Variants in CTNNA2 observed in about 807,000 individuals in gnomAD.
CTNNA2 encodes the protein catenin alpha 2, also known as catenin alpha-2.
A neutral mutation model predicts 101.0 loss-of-function variants in CTNNA2; 42 were observed. The ratio of observed to expected loss-of-function variants is 0.42; its 90% CI spans 0.32 to 0.54. The LOEUF is 0.54. Ranked by LOEUF, CTNNA2 falls within the 20% of genes least tolerant of loss-of-function variation. The pLI is 0.14. For synonymous variants in CTNNA2, 450 were observed against 456.4 expected, an observed-to-expected ratio of 0.99 and a Z score of 0.18; for missense variants, 871 against 1,223.1, an observed-to-expected ratio of 0.71 and a Z score of 4.29.
chr2:79,786,534 C>T (rs529995343), intron 3 of CTNNA2, among the ~76,000 whole-genome samples: 2 of 151,174 alleles, frequency 1.3e-5, no homozygotes, highest in Non-Finnish European at 1.5e-5. Flanking sequence ...GGCATTCTTT[C>T]CAGAAGAGTG....
intron 7 of CTNNA2, among the ~76,000 whole-genome samples, chr2:80,339,221 G>T (rs1202252570): frequency 6.6e-6 from 1 of 152,002 alleles, no homozygotes; most frequent in Non-Finnish European, 1.5e-5. Context: ...CCCATCCATT[G>T]AGTTTCAATA....
intron 3 of CTNNA2, among the ~76,000 whole-genome samples, chr2:79,748,847 C>T (rs1031345707): frequency 6.6e-6 from 1 of 151,754 alleles, no homozygotes; most frequent in Non-Finnish European, 1.5e-5. Flanking sequence ...AGAAGATTTC[C>T]CTATATCTGT....
At chr2:80,286,799 T>C (rs1674804645) in intron 7 of CTNNA2, among the ~76,000 whole-genome samples, 1 of 152,220 alleles carries the variant, frequency 6.6e-6, no homozygotes, top group Non-Finnish European at 1.5e-5. Context: ...TGTTATAGTA[T>C]TCATCCTATT....
intron 4 of CTNNA2, among the ~76,000 whole-genome samples, chr2:79,385,879 C>T (rs1678094664): frequency 6.6e-6 from 1 of 152,138 alleles, no homozygotes; most frequent in Non-Finnish European, 1.5e-5. Flanking sequence ...TTTTTTATGG[C>T]TACATAGTAT....
At chr2:79,481,535 G>T (rs189145793) in intron 4 of CTNNA2, among the ~76,000 whole-genome samples, 51 of 152,232 alleles carry the variant, frequency 3.4e-4, no homozygotes, top group Non-Finnish European at 5.7e-4. Flanking sequence ...ATTCTGTTAA[G>T]AGAGCGGATC....
At chr2:80,636,463 G>T (rs767594951) in intron 18 of CTNNA2, among the ~76,000 whole-genome samples, 5 of 152,090 alleles carry the variant, frequency 3.3e-5, no homozygotes, top group Admixed American at 6.6e-5. Context: ...TTCAGTGTTT[G>T]GTAGGCACTT....
rs35116136 is a variant in CTNNA2 at position 79,591,908 on chromosome 2, ATTTT to A, written c.-5-59629_-5-59626del. On this transcript the variant is annotated intron_variant, in intron 1 of 18. Transcript: ENST00000402739. ...ATCGGTTGTTTCTTTTGAAAAAAAAATTTTTTTTTTTTTTTTTTGAAATTGACTG... is the reference window on the plus strand; with the variant it reads ...ATCGGTTGTTTCTTTTGAAAAAAAAATTTTTTTTTTTTTTGAAATTGACTG... Among the ~76,000 whole-genome samples, 1,066 of 132,032 alleles carry A rather than the reference ATTTT, an allele frequency of 8.1e-3. 47 individuals carry two copies. In the East Asian group the frequency reaches 0.11, roughly 14 times the overall value. The allele number at this position is 132,032 out of a possible 152,430, so 86.6% of individuals were successfully genotyped here. A position where few individuals can be genotyped will look rare whatever the true frequency, so the allele number is the denominator to read the frequency against.
intron 9 of CTNNA2, among the ~76,000 whole-genome samples, chr2:80,434,485 C>CTTT (rs1169944635): frequency 0.015 from 1,312 of 89,954 alleles, 6 homozygotes; most frequent in African/African-American, 0.035. Flanking sequence ...TTCTGTGTCT[C>CTTT]TTTTTTTTTT....
chr2:80,541,146 A>T (rs898271958), intron 9 of CTNNA2, among the ~76,000 whole-genome samples: 1 of 152,162 alleles, frequency 6.6e-6, no homozygotes, highest in Non-Finnish European at 1.5e-5. Context: ...AAAAGAAAAA[A>T]GGGAAGGTAG....
At chr2:79,413,842 C>G (rs1678445015) in intron 4 of CTNNA2, among the ~76,000 whole-genome samples, 1 of 150,868 alleles carries the variant, frequency 6.6e-6, no homozygotes, top group Non-Finnish European at 1.5e-5. Flanking sequence ...TTTCACAAAA[C>G]TATTGGCCAT....
intron 7 of CTNNA2, among the ~76,000 whole-genome samples, chr2:80,282,264 T>G (rs1318117228): frequency 6.8e-6 from 1 of 147,380 alleles, no homozygotes; most frequent in Admixed American, 6.7e-5. Flanking sequence ...TAAATGTTAT[T>G]TATTTGCTGT....
intron 7 of CTNNA2, among the ~76,000 whole-genome samples, chr2:80,375,248 G>A (rs975590898): frequency 2.0e-5 from 3 of 152,160 alleles, no homozygotes; most frequent in African/African-American, 4.8e-5. Flanking sequence ...CTCGGGAAAG[G>A]CACAGGAGGT....
At chr2:79,614,309 A>G (rs1048716957) in intron 1 of CTNNA2, among the ~76,000 whole-genome samples, 1 of 152,130 alleles carries the variant, frequency 6.6e-6, no homozygotes. Flanking sequence ...GTGTTTGTGA[A>G]TTCTCCTGAC....
At chr2:79,576,801 G>A (rs1020122628) in intron 1 of CTNNA2, among the ~76,000 whole-genome samples, 3 of 152,126 alleles carry the variant, frequency 2.0e-5, no homozygotes, top group Admixed American at 6.5e-5. Flanking sequence ...ATAAATTATC[G>A]TTTTTCATCC....
chr2:79,941,277 T>G (rs2104456963), intron 7 of CTNNA2, among the ~76,000 whole-genome samples: 1 of 152,360 alleles, frequency 6.6e-6, no homozygotes, highest in South Asian at 2.1e-4. Context: ...TTATACTCAT[T>G]TATTTTGACT....
At chr2:79,441,237 C>T (rs1429602687) in intron 4 of CTNNA2, among the ~76,000 whole-genome samples, 1 of 152,170 alleles carries the variant, frequency 6.6e-6, no homozygotes, top group Non-Finnish European at 1.5e-5. Context: ...GCATACCTCT[C>T]CTTTCAACTA....
At chr2:80,372,287 A>G (rs1675513910) in intron 7 of CTNNA2, among the ~76,000 whole-genome samples, 1 of 151,736 alleles carries the variant, frequency 6.6e-6, no homozygotes, top group African/African-American at 2.4e-5. Flanking sequence ...ATTGCCTTAA[A>G]CCAGTCTCAA....
At chr2:79,817,237 A>ATTT (rs1019418588) in intron 3 of CTNNA2, among the ~76,000 whole-genome samples, 35 of 144,468 alleles carry the variant, frequency 2.4e-4, no homozygotes, top group African/African-American at 9.0e-4. Flanking sequence ...TCATCTCTTC[A>ATTT]TTTCACTTCA....
intron 7 of CTNNA2, among the ~76,000 whole-genome samples, chr2:79,923,865 G>C (rs1008181484): frequency 1.3e-5 from 2 of 152,050 alleles, no homozygotes; most frequent in African/African-American, 4.8e-5. Flanking sequence ...TGTGTTGGCA[G>C]GAAAGTAAAT....
Sources: gnomAD v4.1 joint callset for allele counts (sites outside exome capture counted in the v4.1 genomes callset) on GRCh38, gnomAD v4.1.1 for gene constraint, MANE v1.5 for transcripts, NCBI Gene and HGNC (gene_info 2026-07-23, HGNC 2026-07-21) for gene names.